The following DOCK9 variants were observed in gnomAD, a reference collection of about 807,000 sequenced individuals.
DOCK9 encodes dedicator of cytokinesis 9.
DOCK9 carries 89 observed loss-of-function variants against 263.3 expected under a neutral mutation model. That is an observed-to-expected ratio of 0.34 (90% CI 0.28 to 0.40). The LOEUF (loss-of-function observed/expected upper bound fraction) is 0.40, where lower values mean the gene tolerates loss of function less well. Among genes scored for constraint, DOCK9 ranks in the 10% least tolerant of loss-of-function variants. The pLI is 1.00. For missense variants in DOCK9, 2,140 were observed against 2,603.4 expected (o/e 0.82, Z 3.87); for synonymous variants, 976 against 973.1 (o/e 1.00, Z -0.06).
chr13:98,928,750 T>C (rs2053448169), intron 3 of DOCK9, among the ~76,000 whole-genome samples: 1 of 152,206 alleles, frequency 6.6e-6, no homozygotes, highest in East Asian at 1.9e-4. Flanking sequence ...TAAAACTTTA[T>C]TTACAAAAAT....
chr13:98,814,935 C>CAAAATAAAATAAAATAAAAT (rs66599481), intron 45 of DOCK9, among the ~76,000 whole-genome samples: 2 of 131,192 alleles, frequency 1.5e-5, no homozygotes, highest in African/African-American at 5.9e-5. Flanking sequence ...GATTCTGTCT[C>CAAAATAAAATAAAATAAAAT]AAAATAAAAT....
intron 1 of DOCK9, among the ~76,000 whole-genome samples, chr13:99,063,218 C>T (rs560304009): frequency 5.1e-4 from 77 of 152,326 alleles, no homozygotes; most frequent in African/African-American, 1.5e-3. Context: ...GACAAACGAA[C>T]GATGAAAAGC....
At chr13:98,963,068 T>C (rs2058827217) in intron 1 of DOCK9, among the ~76,000 whole-genome samples, 1 of 152,070 alleles carries the variant, frequency 6.6e-6, no homozygotes, top group African/African-American at 2.4e-5. Flanking sequence ...AGGGACAACA[T>C]GGACACAGGT....
At chr13:98,964,291 T>G (rs1317321651) in intron 1 of DOCK9, among the ~76,000 whole-genome samples, 1 of 152,162 alleles carries the variant, frequency 6.6e-6, no homozygotes, top group Admixed American at 6.5e-5. Context: ...TATTTGCTGC[T>G]TTCTCCAGCA....
At chr13:98,842,061 G>A (rs559567313) in intron 38 of DOCK9, among the ~76,000 whole-genome samples, 5 of 152,252 alleles carry the variant, frequency 3.3e-5, no homozygotes, top group East Asian at 3.9e-4. Flanking sequence ...ACTCAGAGAT[G>A]TCTACATTCT....
exon 1 of DOCK9, chr13:99,086,498 T>C: frequency 2.4e-6 from 1 of 411,346 alleles, no homozygotes; most frequent in Non-Finnish European, 3.2e-6. Context: ...TCGCCGCGAG[T>C]CCGGCCGCCG....
At chr13:98,998,220 G>A (rs1881483419) in intron 1 of DOCK9, among the ~76,000 whole-genome samples, 1 of 152,146 alleles carries the variant, frequency 6.6e-6, no homozygotes, top group Non-Finnish European at 1.5e-5. Flanking sequence ...AAGCCAGACA[G>A]GGCAGCAAGG....
At chr13:98,955,167 A>T (rs1305045925) in intron 2 of DOCK9, among the ~76,000 whole-genome samples, 3 of 152,080 alleles carry the variant, frequency 2.0e-5, no homozygotes, top group African/African-American at 7.2e-5. Context: ...CAAAGACAAA[A>T]ATTAGCCAGG....
At chr13:98,916,134 A>G (rs533630418) in intron 7 of DOCK9, among the ~76,000 whole-genome samples, 1 of 152,230 alleles carries the variant, frequency 6.6e-6, no homozygotes, top group Non-Finnish European at 1.5e-5. Context: ...GTCCATGTGC[A>G]GTAACAGACG....
intron 1 of DOCK9, among the ~76,000 whole-genome samples, chr13:98,988,227 A>G (rs1342562052): frequency 6.6e-6 from 1 of 152,230 alleles, no homozygotes; most frequent in Non-Finnish European, 1.5e-5. Context: ...CGAGGTATTC[A>G]TTTCGGGAAC....
intron 49 of DOCK9, 144 bp downstream of exon 49, chr13:98,804,855 T>C (rs2090506378): frequency 4.1e-6 from 3 of 733,628 alleles, no homozygotes; most frequent in Non-Finnish European, 4.4e-6. Flanking sequence ...AAGGAAGCAC[T>C]AGATAAATGT....
At chr13:99,014,491 CCT>C (rs376764330) in intron 1 of DOCK9, among the ~76,000 whole-genome samples, 35 of 152,298 alleles carry the variant, frequency 2.3e-4, no homozygotes, top group African/African-American at 7.5e-4. Flanking sequence ...TAAAATGCAT[CCT>C]CTCTCTGGGT....
intron 38 of DOCK9, among the ~76,000 whole-genome samples, chr13:98,844,194 A>T (rs886216267): frequency 7.9e-5 from 12 of 152,210 alleles, no homozygotes; most frequent in African/African-American, 2.9e-4. Flanking sequence ...AAAAGATGTT[A>T]AAAAATCAAG....
chr13:98,990,718 A>G (rs1157180161), intron 1 of DOCK9, among the ~76,000 whole-genome samples: 1 of 152,158 alleles, frequency 6.6e-6, no homozygotes, highest in Admixed American at 6.5e-5. Flanking sequence ...TTTCAGCCCA[A>G]ACTCTGCAAT....
intron 33 of DOCK9, chr13:98,860,085 G>T: frequency 2.4e-6 from 2 of 837,234 alleles, no homozygotes; most frequent in South Asian, 5.7e-5. Flanking sequence ...CCCACCACCT[G>T]CAAAAATATC....
chr13:99,078,996 G>A (rs533849881), intron 1 of DOCK9, among the ~76,000 whole-genome samples: 28 of 152,316 alleles, frequency 1.8e-4, no homozygotes, highest in African/African-American at 6.5e-4. Context: ...CAGGCCGATA[G>A]CCAGTCAACG....
chr13:99,033,059 A>G (rs1887515895), intron 1 of DOCK9, among the ~76,000 whole-genome samples: 1 of 152,218 alleles, frequency 6.6e-6, no homozygotes, highest in Admixed American at 6.5e-5. Context: ...ATGAAACCTT[A>G]AAATTCTAGG....
At chr13:98,983,622 TA>T (rs199549911) in intron 1 of DOCK9, among the ~76,000 whole-genome samples, 16,989 of 141,890 alleles carry the variant, frequency 0.12, 1,122 homozygotes, top group South Asian at 0.22. Flanking sequence ...TTATTATTAT[TA>T]TTTTTTTTTT....
intron 1 of DOCK9, among the ~76,000 whole-genome samples, chr13:99,001,419 T>G (rs1260931516): frequency 2.0e-5 from 3 of 152,234 alleles, no homozygotes; most frequent in Non-Finnish European, 4.4e-5. Flanking sequence ...TCATCCTCTT[T>G]CTGCCATGGG....
Sources: allele counts gnomAD v4.1 joint callset (sites outside exome capture counted in the v4.1 genomes callset), GRCh38; gene constraint gnomAD v4.1.1; transcripts MANE v1.5; gene names NCBI Gene and HGNC (gene_info 2026-07-23, HGNC 2026-07-21).